Variants in STK3 observed in about 807,000 individuals in gnomAD.
The protein encoded by STK3 is serine/threonine kinase 3, also known as serine/threonine-protein kinase 3.
A neutral mutation model predicts 58.0 loss-of-function variants in STK3; 41 were observed. The ratio of observed to expected loss-of-function variants is 0.71; its 90% CI spans 0.55 to 0.92. The LOEUF is 0.92. STK3 is among the 40% of genes least tolerant of loss of function. The pLI, the probability that STK3 is intolerant of heterozygous loss-of-function variation, is 0.00. For missense variants in STK3, 479 were observed against 602.7 expected (o/e 0.79, Z 2.15); for synonymous variants, 170 against 191.0 (o/e 0.89, Z 0.91).
At chr8:98,878,715 C>T (rs1446646296) in intron 3 of STK3, among the ~76,000 whole-genome samples, 1 of 152,046 alleles carries the variant, frequency 6.6e-6, no homozygotes, top group East Asian at 1.9e-4. Context: ...TGTAAGGGTG[C>T]ACCCTTCTCT....
chr8:98,421,930 G>A (rs1017511987), intron 3 of STK3, among the ~76,000 whole-genome samples: 1 of 152,202 alleles, frequency 6.6e-6, no homozygotes, highest in African/African-American at 2.4e-5. Context: ...CATCAGAGGA[G>A]GGAACTTGAG....
chr8:98,700,497 C>T (rs576163195), intron 6 of STK3, among the ~76,000 whole-genome samples: 13 of 152,312 alleles, frequency 8.5e-5, no homozygotes, highest in Non-Finnish European at 1.8e-4. Context: ...TGTTCCTATT[C>T]GGCCATCTTG....
intron 7 of STK3, among the ~76,000 whole-genome samples, chr8:98,594,706 A>G (rs1227189738): frequency 6.6e-6 from 1 of 152,202 alleles, no homozygotes; most frequent in Non-Finnish European, 1.5e-5. Context: ...TAAATGTTTT[A>G]ATCAATTTTT....
intron 3 of STK3, among the ~76,000 whole-genome samples, chr8:98,421,663 C>T (rs1231594836): frequency 6.6e-6 from 1 of 152,076 alleles, no homozygotes; most frequent in East Asian, 1.9e-4. Context: ...ATAGTCCCAG[C>T]TACTCAGGAG....
intron 10 of STK3, among the ~76,000 whole-genome samples, chr8:98,469,132 A>T (rs1820714184): frequency 2.0e-5 from 3 of 151,844 alleles, no homozygotes; most frequent in African/African-American, 4.8e-5. Flanking sequence ...AAGAAAAGAA[A>T]GATGAGAAAG....
chr8:98,869,357 G>A (rs1035445265), intron 3 of STK3, among the ~76,000 whole-genome samples: 61 of 152,224 alleles, frequency 4.0e-4, no homozygotes, highest in African/African-American at 1.5e-3. Context: ...GGAGGCAGAG[G>A]TTACAGTGAG....
chr8:98,730,847 G>A (rs1828139468), intron 4 of STK3, among the ~76,000 whole-genome samples: 1 of 151,938 alleles, frequency 6.6e-6, no homozygotes, highest in Admixed American at 6.6e-5. Flanking sequence ...GCTACAAAGT[G>A]TGAAGACTGA....
chr8:98,669,280 C>A (rs918427948), intron 6 of STK3, among the ~76,000 whole-genome samples: 3 of 152,098 alleles, frequency 2.0e-5, no homozygotes, highest in South Asian at 4.1e-4. Context: ...CAGGCGTGAG[C>A]CACTGCGCCC....
At chr8:98,388,808 T>C (rs533740750), upstream of STK3, among the ~76,000 whole-genome samples, 1 of 152,352 alleles carries the variant, frequency 6.6e-6, no homozygotes, top group East Asian at 1.9e-4. Flanking sequence ...TAAGAAATTG[T>C]TGTCAAATAT....
intron 3 of STK3, among the ~76,000 whole-genome samples, chr8:98,758,498 C>T (rs1464552047): frequency 6.6e-6 from 1 of 152,174 alleles, no homozygotes; most frequent in African/African-American, 2.4e-5. Flanking sequence ...GTTCAATATA[C>T]ACAAATGAAT....
chr8:98,773,320 G>C (rs1425108798), intron 2 of STK3, among the ~76,000 whole-genome samples: 1 of 152,038 alleles, frequency 6.6e-6, no homozygotes, highest in Non-Finnish European at 1.5e-5. Flanking sequence ...GACATGTTTT[G>C]TTATAAATTG....
rs372834465 is a variant in STK3, at chr8:98,800,872, A to G, written c.26+24643T>C. Among the ~76,000 whole-genome samples, 1,312 of 152,092 alleles carry G rather than the reference A, an allele frequency of 8.6e-3. 10 individuals carry two copies. The highest frequency in any genetic ancestry group is 0.03 in the African/African-American group (1,235 of 41,506). ...AGCCCCCCATGCCAGAGCCCCCCCC[A>G]CCAAGGTGGGCTCCCGTGCAGCCGG... On this transcript the variant is annotated intron_variant, in intron 1 of 10. Transcript: ENST00000419617. This position sits in a 1 kb window ranked among gnomAD's most constrained non-coding sequence, Gnocchi z 4.8.
chr8:98,579,890 T>A (rs950841563), intron 7 of STK3, 101 bp from the exon 8 acceptor site: 1 of 1,079,930 alleles, frequency 9.3e-7, no homozygotes, highest in African/African-American at 1.7e-5. Flanking sequence ...GATCACAGGC[T>A]TCAATGATTG....
At chr8:98,609,937 AGC>A (rs1817061339) in intron 6 of STK3, among the ~76,000 whole-genome samples, 2 of 151,650 alleles carry the variant, frequency 1.3e-5, no homozygotes, top group African/African-American at 2.4e-5. Context: ...ACCGCACTCC[AGC>A]CTGGGTGACA....
At chr8:98,749,014 AAGAAG>A (rs1829805878) in intron 4 of STK3, among the ~76,000 whole-genome samples, 2 of 152,078 alleles carry the variant, frequency 1.3e-5, no homozygotes, top group South Asian at 4.1e-4. Flanking sequence ...ATTCCAAATG[AAGAAG>A]AGAAGTACCA....
intron 3 of STK3, among the ~76,000 whole-genome samples, chr8:98,759,507 T>C (rs1563971105): frequency 6.6e-6 from 1 of 151,934 alleles, no homozygotes; most frequent in Non-Finnish European, 1.5e-5. Context: ...ACAGATATAA[T>C]AATAATGAAA....
intron 8 of STK3, among the ~76,000 whole-genome samples, chr8:98,562,511 G>T (rs779655542): frequency 6.6e-6 from 1 of 151,930 alleles, no homozygotes; most frequent in African/African-American, 2.4e-5. Flanking sequence ...AGGGGGTTGG[G>T]GGAGAGTTGA....
intron 1 of STK3, among the ~76,000 whole-genome samples, chr8:98,941,469 G>A (rs1695293631): frequency 6.6e-6 from 1 of 152,260 alleles, no homozygotes; most frequent in African/African-American, 2.4e-5. Context: ...AGGGAGGCGA[G>A]TCCCCGGAGG....
intron 10 of STK3, among the ~76,000 whole-genome samples, chr8:98,496,724 A>G (rs1204386107): frequency 6.6e-6 from 1 of 152,168 alleles, no homozygotes; most frequent in African/African-American, 2.4e-5. Context: ...GTCACAAAAG[A>G]TAATACTGTA....
Sources: allele counts gnomAD v4.1 joint callset (sites outside exome capture counted in the v4.1 genomes callset), GRCh38; gene constraint gnomAD v4.1.1; non-coding constraint Gnocchi (gnomAD v3.1); transcripts MANE v1.5; gene names NCBI Gene and HGNC (gene_info 2026-07-23, HGNC 2026-07-21).